The following RBFOX3 variants were observed in gnomAD, a reference collection of about 807,000 sequenced individuals.
The protein encoded by RBFOX3 is RNA binding protein fox-1 homolog 3.
In RBFOX3, 17 loss-of-function variants were observed where a neutral mutation model predicts 48.7. That is an observed-to-expected ratio of 0.35 (90% CI 0.24 to 0.52). RBFOX3 has a LOEUF of 0.52. Ranked by LOEUF, RBFOX3 falls within the 20% of genes least tolerant of loss-of-function variation. RBFOX3 has a pLI of 0.94. For synonymous variants in RBFOX3, 212 were observed against 209.5 expected, an observed-to-expected ratio of 1.01 and a Z score of -0.10; for missense variants, 382 against 497.5, an observed-to-expected ratio of 0.77 and a Z score of 2.21.
chr17:79,219,533 T>C (rs1415635708), intron 4 of RBFOX3, among the ~76,000 whole-genome samples: 1 of 152,182 alleles, frequency 6.6e-6, no homozygotes, highest in Non-Finnish European at 1.5e-5. Flanking sequence ...CTGCTTGGCC[T>C]CGCCTGGTAC....
At chr17:79,519,299 C>T (rs2085717789) in intron 1 of RBFOX3, among the ~76,000 whole-genome samples, 1 of 152,244 alleles carries the variant, frequency 6.6e-6, no homozygotes, top group African/African-American at 2.4e-5. Flanking sequence ...TCCTGCCATG[C>T]TCTCAAGGAA....
chr17:79,501,352 G>A (rs2082358001), intron 1 of RBFOX3, among the ~76,000 whole-genome samples: 1 of 152,148 alleles, frequency 6.6e-6, no homozygotes, highest in South Asian at 2.1e-4. Context: ...TCATCTCGCT[G>A]GCCAGAGAGG....
In RBFOX3 at chr17:79,183,159, C is replaced by G. The variant is rs963449052; in HGVS notation, c.-34+52607G>C. 4 of 146,870 alleles carry G rather than the reference C, an allele frequency of 2.7e-5. 1 individual carries two copies. In the South Asian group the frequency reaches 5.6e-4, roughly 20 times the overall value. 9.1% of individuals were successfully genotyped at this position (146,870 alleles called of 1,614,324 possible). On this transcript the variant is annotated intron_variant, in intron 4 of 14. Coordinates refer to ENST00000693108, the MANE Select transcript of RBFOX3 (RefSeq NM_001350451.2). ...ACGCGGGGAGCGCAGCGGGGGCCACCGGTGGCGGCGGCGGCGCAGAGGCGG... is the reference window on the plus strand; with the variant it reads ...ACGCGGGGAGCGCAGCGGGGGCCACGGGTGGCGGCGGCGGCGCAGAGGCGG...
chr17:79,489,079 T>C lies in RBFOX3; in HGVS notation c.-319-6481A>G, dbSNP rs910147547. The stretch of plus-strand genomic sequence containing the variant: ...ATCACCAGAAATATGCTTGCATTCT[T>C]ATTTGGCTTCCTGGAGGGACTCAGA... On this transcript the variant is annotated intron_variant, in intron 1 of 14. Transcript: ENST00000693108. Among the ~76,000 whole-genome samples the C allele has an allele frequency of 3.1e-4, 47 of 152,310 alleles. 1 individual carries two copies. Among genetic ancestry groups the C allele is most frequent in the African/African-American group, 1.1e-3 (47 of 41,554 alleles).
At chr17:79,426,269 G>A (rs146999323) in intron 2 of RBFOX3, among the ~76,000 whole-genome samples, 23 of 152,336 alleles carry the variant, frequency 1.5e-4, no homozygotes, top group Non-Finnish European at 2.9e-4. Flanking sequence ...GCAAGGCCCA[G>A]AGGGGAGGCA....
intron 2 of RBFOX3, among the ~76,000 whole-genome samples, chr17:79,478,320 G>A (rs2078260311): frequency 6.6e-6 from 1 of 152,216 alleles, no homozygotes; most frequent in South Asian, 2.1e-4. Flanking sequence ...GGCCGGGGTG[G>A]ATGGATGAGT....
intron 2 of RBFOX3, among the ~76,000 whole-genome samples, chr17:79,355,280 C>T (rs769484867): frequency 8.5e-5 from 13 of 152,228 alleles, no homozygotes; most frequent in African/African-American, 1.2e-4. Context: ...GTGAAGCCTG[C>T]AGAACGTATC....
In RBFOX3 at chr17:79,605,879, C is replaced by T. The variant is rs992819303; in HGVS notation, c.-320+4947G>A. ...CCACGAGCCCTGGCCCCAACCTACACGGAAGGAGTGGAGACGGATCCAAGG... is the reference window on the plus strand; with the variant it reads ...CCACGAGCCCTGGCCCCAACCTACATGGAAGGAGTGGAGACGGATCCAAGG... On this transcript the variant is annotated intron_variant, in intron 1 of 14. Transcript: ENST00000693108. Among the ~76,000 whole-genome samples the T allele has an allele frequency of 2.5e-3, 374 of 152,262 alleles. 2 individuals are homozygous for T. The highest frequency in any genetic ancestry group is 3.9e-3 in the Admixed American group (60 of 15,294).
chr17:79,311,578 A>G lies in RBFOX3; in HGVS notation c.-174-3754T>C, dbSNP rs932240597. 6.6e-5 allele frequency among the ~76,000 whole-genome samples: 10 copies of G among 152,132 alleles called. No homozygotes were observed. Among genetic ancestry groups the G allele is most frequent in the Non-Finnish European group, 4.4e-5 (3 of 68,016 alleles). On this transcript the variant is annotated intron_variant, in intron 2 of 14. Coordinates refer to ENST00000693108, the MANE Select transcript of RBFOX3 (RefSeq NM_001350451.2). The surrounding 1 kb of genome is among the most constrained non-coding windows in gnomAD (Gnocchi z 4.2). ...TAAAATCTGTCTGTCCTATCTGTCA[A>G]TCAATCAATAATCAATCAATCAATC...
chr17:79,223,302 T>C (rs2059940965), intron 4 of RBFOX3, among the ~76,000 whole-genome samples: 1 of 152,142 alleles, frequency 6.6e-6, no homozygotes, highest in African/African-American at 2.4e-5. Context: ...GATGCCCTGA[T>C]ACCCCTGCAC....
At chr17:79,630,938 G>A in the RBFOX3 span, among the ~76,000 whole-genome samples, 5 of 152,134 alleles carry the variant, frequency 3.3e-5, no homozygotes, top group South Asian at 2.1e-4. Flanking sequence ...GGAAAAGCAC[G>A]ACAGCCCCCG....
chr17:79,388,196 A>G (rs571433602), intron 2 of RBFOX3, among the ~76,000 whole-genome samples: 106 of 152,324 alleles, frequency 7.0e-4, no homozygotes, highest in African/African-American at 2.5e-3. Context: ...AGACTGGGCC[A>G]TAACTACGCA....
At chr17:79,197,736 G>C (rs1360455580) in intron 4 of RBFOX3, among the ~76,000 whole-genome samples, 1 of 152,104 alleles carries the variant, frequency 6.6e-6, no homozygotes. Context: ...CGTCCACGCA[G>C]CCAGGGCTGC....
At chr17:79,180,497 G>A (rs1271054864) in intron 4 of RBFOX3, among the ~76,000 whole-genome samples, 1 of 152,224 alleles carries the variant, frequency 6.6e-6, no homozygotes, top group Non-Finnish European at 1.5e-5. Context: ...CAGAGGACCT[G>A]CAGCCCCCAC....
At chr17:79,146,631 T>C (rs1196813351) in intron 4 of RBFOX3, among the ~76,000 whole-genome samples, 3 of 152,208 alleles carry the variant, frequency 2.0e-5, no homozygotes. Flanking sequence ...GGGGAGCAGC[T>C]GAGGGGCTGG....
chr17:79,461,373 C>T (rs782482228), intron 2 of RBFOX3, among the ~76,000 whole-genome samples: 3 of 152,230 alleles, frequency 2.0e-5, no homozygotes, highest in Non-Finnish European at 4.4e-5. Context: ...CCACCCAAGT[C>T]TTCCATTCTC....
At chr17:79,165,958 C>T (rs1253034796) in intron 4 of RBFOX3, among the ~76,000 whole-genome samples, 1 of 152,242 alleles carries the variant, frequency 6.6e-6, no homozygotes, top group East Asian at 1.9e-4. Flanking sequence ...CAAGGCCCTG[C>T]AGGGCACCCG....
chr17:79,589,531 A>G (rs946113252), intron 1 of RBFOX3, among the ~76,000 whole-genome samples: 7 of 152,180 alleles, frequency 4.6e-5, no homozygotes, highest in Middle Eastern at 3.2e-3. Flanking sequence ...TTAGGACGTC[A>G]ACATGGCTTT....
intron 1 of RBFOX3, among the ~76,000 whole-genome samples, chr17:79,587,404 C>A (rs2144980422): frequency 6.6e-6 from 1 of 152,372 alleles, no homozygotes; most frequent in East Asian, 1.9e-4. Context: ...CTCCACCTTG[C>A]AGTCCAGTGT....
Sources: gnomAD v4.1 joint callset for allele counts (sites outside exome capture counted in the v4.1 genomes callset) on GRCh38, gnomAD v4.1.1 for gene constraint, Gnocchi (gnomAD v3.1) non-coding constraint, MANE v1.5 for transcripts, NCBI Gene and HGNC (gene_info 2026-07-23, HGNC 2026-07-21) for gene names.